The following EXOC6B variants were observed in gnomAD, a reference collection of about 807,000 sequenced individuals.
EXOC6B encodes SEC15 homolog B.
In EXOC6B, 54 loss-of-function variants were observed where a neutral mutation model predicts 113.5. The ratio of observed to expected loss-of-function variants is 0.48; its 90% CI spans 0.38 to 0.60. The LOEUF is 0.60. Among genes scored for constraint, EXOC6B ranks in the 20% least tolerant of loss-of-function variants. EXOC6B has a pLI of 0.00. For missense variants in EXOC6B, 797 were observed against 977.5 expected (o/e 0.82, Z 2.46); for synonymous variants, 357 against 339.0 (o/e 1.05, Z -0.58).
rs751793219 is a variant in EXOC6B, at chr2:72,277,597, T to C, written c.2196+57350A>G. Among the ~76,000 whole-genome samples the C allele has an allele frequency of 4.7e-4, 71 of 151,922 alleles. 1 individual carries two copies. Among genetic ancestry groups the C allele is most frequent in the South Asian group, 8.3e-4 (4 of 4,818 alleles). On this transcript the variant is annotated intron_variant, in intron 20 of 21. Coordinates refer to ENST00000272427, the MANE Select transcript of EXOC6B (RefSeq NM_015189.3). ...ACCTTCGCCTCCTGGGTTCAAGCAA[T>C]TCTTGTGCCTCAGCTTCCTGAGTAG...
At chr2:72,326,750 G>A (rs1572917611) in intron 20 of EXOC6B, among the ~76,000 whole-genome samples, 3 of 151,768 alleles carry the variant, frequency 2.0e-5, no homozygotes, top group African/African-American at 7.2e-5. Flanking sequence ...TTAGGATGGT[G>A]CAAAAGTAAT....
At chr2:72,621,140 C>T (rs1470240674) in intron 6 of EXOC6B, among the ~76,000 whole-genome samples, 2 of 152,106 alleles carry the variant, frequency 1.3e-5, no homozygotes, top group East Asian at 3.9e-4. Context: ...CACATCAATT[C>T]CATTACTGGG....
intron 6 of EXOC6B, among the ~76,000 whole-genome samples, chr2:72,701,954 G>A (rs1290891867): frequency 6.7e-6 from 1 of 149,852 alleles, no homozygotes; most frequent in Non-Finnish European, 1.5e-5. Flanking sequence ...AAGTTTTAGG[G>A]TACATGTGCA....
chr2:72,575,052 T>C (rs940879412), intron 7 of EXOC6B, among the ~76,000 whole-genome samples: 3 of 152,166 alleles, frequency 2.0e-5, no homozygotes, highest in Non-Finnish European at 1.5e-5. Context: ...TCTGGAATCT[T>C]TGTGTATTTT....
At chr2:72,256,297 A>C (rs1683350540) in intron 20 of EXOC6B, among the ~76,000 whole-genome samples, 2 of 152,156 alleles carry the variant, frequency 1.3e-5, no homozygotes, top group Admixed American at 1.3e-4. Context: ...TAAGCCATTA[A>C]GTTTATGGGT....
At chr2:72,649,088 T>C (rs1673962524) in intron 6 of EXOC6B, among the ~76,000 whole-genome samples, 1 of 152,134 alleles carries the variant, frequency 6.6e-6, no homozygotes, top group Admixed American at 6.6e-5. Context: ...TGTCATGAGC[T>C]ATAATCACAC....
At chr2:72,463,328 G>A (rs1697825407) in intron 18 of EXOC6B, 1 of 152,030 alleles carries the variant, frequency 6.6e-6, no homozygotes, top group Non-Finnish European at 1.5e-5. Flanking sequence ...CTCCCACTAG[G>A]AACAACTAGG....
At chr2:72,453,263 C>T (rs1374696109) in intron 18 of EXOC6B, among the ~76,000 whole-genome samples, 1 of 152,080 alleles carries the variant, frequency 6.6e-6, no homozygotes, top group African/African-American at 2.4e-5. Context: ...ATGAAGGATA[C>T]TGGCACGTAA....
At chr2:72,484,406 A>AG (rs1458342300) in intron 16 of EXOC6B, among the ~76,000 whole-genome samples, 2 of 151,236 alleles carry the variant, frequency 1.3e-5, no homozygotes, top group African/African-American at 4.9e-5. Flanking sequence ...AAAATACAAA[A>AG]AAAAAAAAAA....
chr2:72,553,658 T>C (rs1358441661), intron 8 of EXOC6B, among the ~76,000 whole-genome samples: 1 of 152,078 alleles, frequency 6.6e-6, no homozygotes, highest in East Asian at 1.9e-4. Flanking sequence ...ACAGATTATG[T>C]AGTAGATGGA....
chr2:72,776,905 TCA>T (rs1405043103), intron 1 of EXOC6B, among the ~76,000 whole-genome samples: 1 of 151,966 alleles, frequency 6.6e-6, no homozygotes. Context: ...TAGAATAAAC[TCA>T]CAAACATCCA....
At chr2:72,771,084 T>C (rs757463853) in intron 1 of EXOC6B, among the ~76,000 whole-genome samples, 4 of 151,954 alleles carry the variant, frequency 2.6e-5, no homozygotes, top group Non-Finnish European at 5.9e-5. Context: ...GCATAAAGAG[T>C]ATCCTCTGAA....
intron 1 of EXOC6B, among the ~76,000 whole-genome samples, chr2:72,787,643 C>T (rs1398243888): frequency 1.3e-5 from 2 of 151,962 alleles, no homozygotes; most frequent in Non-Finnish European, 2.9e-5. Flanking sequence ...AAAGAAATTA[C>T]TGGTCTAATT....
At chr2:72,310,850 A>AACACACACAC (rs375159478) in intron 20 of EXOC6B, among the ~76,000 whole-genome samples, 23 of 120,354 alleles carry the variant, frequency 1.9e-4, no homozygotes, top group Non-Finnish European at 3.2e-4. Flanking sequence ...TATTTCATTT[A>AACACACACAC]ACACACACAC....
intron 6 of EXOC6B, among the ~76,000 whole-genome samples, chr2:72,653,355 A>G (rs1286039977): frequency 7.5e-6 from 1 of 133,202 alleles, no homozygotes; most frequent in African/African-American, 2.8e-5. Context: ...GAATTGAACA[A>G]TGAGAACACA....
chr2:72,403,998 G>T (rs1392465324), intron 18 of EXOC6B, among the ~76,000 whole-genome samples: 1 of 152,162 alleles, frequency 6.6e-6, no homozygotes, highest in African/African-American at 2.4e-5. Flanking sequence ...GGAAAATCAG[G>T]TCACTCCCAC....
At position 72,725,848 on chromosome 2, in the gene EXOC6B, ACCATGCGAC is replaced by A; in HGVS notation, c.464+5150_464+5158del. Among the ~76,000 whole-genome samples the A allele has an allele frequency of 1.3e-5, 2 of 152,236 alleles. 1 individual carries two copies. Among genetic ancestry groups the A allele is most frequent in the East Asian group, 3.8e-4 (2 of 5,200 alleles). ...GAGAGACAAAGTGCACCAAATGTTT[ACCATGCGAC>A]CCAGAAATTCTACTCCTAAGTATAT... On this transcript the variant is annotated intron_variant, in intron 5 of 21. Coordinates refer to ENST00000272427, the MANE Select transcript of EXOC6B (RefSeq NM_015189.3).
intron 1 of EXOC6B, among the ~76,000 whole-genome samples, chr2:72,776,589 TC>T (rs1354695659): frequency 6.6e-6 from 1 of 151,640 alleles, no homozygotes; most frequent in African/African-American, 2.4e-5. Context: ...GCCACTGCAC[TC>T]CAGCCTGGGT....
At chr2:72,313,077 C>A (rs1011480385) in intron 20 of EXOC6B, among the ~76,000 whole-genome samples, 3 of 152,024 alleles carry the variant, frequency 2.0e-5, no homozygotes, top group Non-Finnish European at 4.4e-5. Context: ...CCATGTTAAC[C>A]ATTACTAATG....
Sources: gnomAD v4.1 joint callset for allele counts (sites outside exome capture counted in the v4.1 genomes callset) on GRCh38, gnomAD v4.1.1 for gene constraint, MANE v1.5 for transcripts, NCBI Gene and HGNC (gene_info 2026-07-23, HGNC 2026-07-21) for gene names.